The following ACYP2 variants were observed in gnomAD, a reference collection of about 807,000 sequenced individuals.
ACYP2 encodes acylphosphatase-2.
ACYP2 carries 12 observed loss-of-function variants against 11.2 expected under a neutral mutation model. The observed-to-expected ratio is 1.08, with a 90% CI of 0.69 to 1.74. The LOEUF (loss-of-function observed/expected upper bound fraction) is 1.74. Ranked by LOEUF, ACYP2 falls within the 40% of genes most tolerant of loss-of-function variation. The pLI, the probability that ACYP2 is intolerant of heterozygous loss-of-function variation, is 0.00. For synonymous variants in ACYP2, 43 were observed against 32.2 expected (o/e 1.33, Z -1.13); for missense variants, 134 against 101.9 (o/e 1.31, Z -1.35).
chr2:54,059,340 TCTGGAAAAGCTGGGATTACAGG>T (rs1332595906), intron 4 of ACYP2, among the ~76,000 whole-genome samples: 1 of 152,080 alleles, frequency 6.6e-6, no homozygotes, highest in Non-Finnish European at 1.5e-5. Context: ...TGACTCAGCC[TCTGGAAAAGCTGGGATTACAGG>T]CGCCTGCAAC....
intron 2 of ACYP2, among the ~76,000 whole-genome samples, chr2:54,025,891 A>G (rs1480958464): frequency 2.6e-5 from 4 of 151,898 alleles, no homozygotes; most frequent in African/African-American, 7.3e-5. Context: ...GAGGTCAGGA[A>G]TTTGAGACTG....
intron 6 of ACYP2, among the ~76,000 whole-genome samples, chr2:54,233,478 G>C (rs1311483241): frequency 6.6e-6 from 1 of 151,850 alleles, no homozygotes; most frequent in African/African-American, 2.4e-5. Context: ...GCTAATTTTT[G>C]CATTTTTTGT....
chr2:54,095,387 A>G (rs1158185598), intron 4 of ACYP2, among the ~76,000 whole-genome samples: 1 of 152,236 alleles, frequency 6.6e-6, no homozygotes, highest in East Asian at 1.9e-4. Context: ...CCCGTTCTCA[A>G]GGAGCTGTTG....
chr2:53,997,867 C>G (rs1433710875), intron 2 of ACYP2, among the ~76,000 whole-genome samples: 2 of 152,084 alleles, frequency 1.3e-5, no homozygotes, highest in Non-Finnish European at 2.9e-5. Context: ...GACTGTTTCA[C>G]GGAAATGAAT....
intron 6 of ACYP2, among the ~76,000 whole-genome samples, chr2:54,237,478 G>A (rs1485941738): frequency 6.6e-6 from 1 of 152,100 alleles, no homozygotes; most frequent in African/African-American, 2.4e-5. Context: ...TCTACATGAA[G>A]TGAAAAATGT....
intron 6 of ACYP2, among the ~76,000 whole-genome samples, chr2:54,270,565 C>A (rs1165558884): frequency 6.6e-6 from 1 of 152,006 alleles, no homozygotes; most frequent in Non-Finnish European, 1.5e-5. Context: ...CATGATCACA[C>A]AACTACACTC....
intron 6 of ACYP2, among the ~76,000 whole-genome samples, chr2:54,180,798 G>A (rs1445486779): frequency 1.3e-5 from 2 of 152,024 alleles, no homozygotes; most frequent in African/African-American, 2.4e-5. Context: ...TCAAGCAGTC[G>A]CCTGCCTCAG....
intron 2 of ACYP2, among the ~76,000 whole-genome samples, chr2:54,038,195 G>A (rs978512118): frequency 2.6e-5 from 4 of 152,108 alleles, no homozygotes; most frequent in Non-Finnish European, 5.9e-5. Flanking sequence ...ACATTTGTTC[G>A]GTTGTCCTTG....
intron 6 of ACYP2, among the ~76,000 whole-genome samples, chr2:54,262,245 A>G (rs976156399): frequency 1.1e-4 from 16 of 152,358 alleles, no homozygotes; most frequent in African/African-American, 3.6e-4. Context: ...AATGCGATAC[A>G]GGAGCAAAAT....
intron 2 of ACYP2, among the ~76,000 whole-genome samples, chr2:53,989,508 A>G (rs1672185872): frequency 6.6e-6 from 1 of 152,102 alleles, no homozygotes; most frequent in African/African-American, 2.4e-5. Context: ...CATAATGGAC[A>G]TCTGTAATTG....
intron 6 of ACYP2, among the ~76,000 whole-genome samples, chr2:54,200,612 C>G (rs540508012): frequency 6.6e-6 from 1 of 152,264 alleles, no homozygotes; most frequent in East Asian, 1.9e-4. Context: ...TATTTTATGG[C>G]CGAATAACAT....
At chr2:54,234,579 T>G (rs185552805) in intron 6 of ACYP2, among the ~76,000 whole-genome samples, 122 of 152,348 alleles carry the variant, frequency 8.0e-4, no homozygotes, top group African/African-American at 2.6e-3. Flanking sequence ...ACTTTAATTT[T>G]TCAGTCAGAA....
chr2:54,108,470 G>C (rs1267488836), intron 4 of ACYP2, among the ~76,000 whole-genome samples: 2 of 152,188 alleles, frequency 1.3e-5, no homozygotes, highest in Admixed American at 6.5e-5. Flanking sequence ...AAGTGTGTGT[G>C]AACTAAGAAG....
chr2:54,085,316 C>T (rs1677892152), intron 4 of ACYP2, among the ~76,000 whole-genome samples: 2 of 152,150 alleles, frequency 1.3e-5, no homozygotes, highest in South Asian at 4.1e-4. Flanking sequence ...TGTGAGAGTG[C>T]ACCCTGCCAC....
chr2:54,013,258 TGTGTGTGTG>T (rs1673483696), intron 2 of ACYP2, among the ~76,000 whole-genome samples: 1 of 2,020 alleles, frequency 5.0e-4, no homozygotes, highest in Non-Finnish European at 1.1e-3. Context: ...ATCTAATATG[TGTGTGTGTG>T]TGTGTGTGTG....
At chr2:54,233,084 A>G (rs1233221433) in intron 6 of ACYP2, among the ~76,000 whole-genome samples, 7 of 152,058 alleles carry the variant, frequency 4.6e-5, no homozygotes, top group Admixed American at 4.6e-4. Flanking sequence ...CTTTCATCAA[A>G]TGTTTTTTCT....
intron 6 of ACYP2, among the ~76,000 whole-genome samples, chr2:54,166,261 C>A (rs1344085531): frequency 1.3e-5 from 2 of 152,256 alleles, no homozygotes; most frequent in Middle Eastern, 3.4e-3. Flanking sequence ...GTCCTCTGGG[C>A]AAGCATTTAT....
intron 4 of ACYP2, chr2:54,065,811 A>T: frequency 3.6e-6 from 1 of 278,788 alleles, no homozygotes; most frequent in Non-Finnish European, 6.6e-6. Context: ...GGCTGTGTTT[A>T]TGCATGCTCA....
intron 2 of ACYP2, among the ~76,000 whole-genome samples, chr2:54,029,001 T>C (rs992413973): frequency 6.6e-6 from 1 of 152,020 alleles, no homozygotes; most frequent in African/African-American, 2.4e-5. Flanking sequence ...CTACAAAATA[T>C]ATATATTTTA....
Sources: gnomAD v4.1 joint callset for allele counts (sites outside exome capture counted in the v4.1 genomes callset) on GRCh38, gnomAD v4.1.1 for gene constraint, MANE v1.5 for transcripts, NCBI Gene and HGNC (gene_info 2026-07-23, HGNC 2026-07-21) for gene names.